ZFHX3: variants seen among roughly 807,000 people sequenced by gnomAD.
ZFHX3 encodes the protein zinc finger homeobox protein 3.
A neutral mutation model predicts 279.1 loss-of-function variants in ZFHX3; 42 were observed. The ratio of observed to expected loss-of-function variants is 0.15; its 90% CI spans 0.12 to 0.19. ZFHX3 has a LOEUF of 0.19. Among genes scored for constraint, ZFHX3 ranks in the 10% least tolerant of loss-of-function variants. The pLI is 1.00. For missense variants in ZFHX3, 4,981 were observed against 4,754.0 expected, an observed-to-expected ratio of 1.05 and a Z score of -1.40; for synonymous variants, 2,293 against 1,957.8, an observed-to-expected ratio of 1.17 and a Z score of -4.52.
chr16:73,805,710 A>C (rs957173764), intron 1 of ZFHX3, among the ~76,000 whole-genome samples: 3 of 152,226 alleles, frequency 2.0e-5, no homozygotes, highest in African/African-American at 7.2e-5. Flanking sequence ...AACAGTTAAA[A>C]TCCCTGCCCT....
chr16:73,333,601 G>A (rs1424337824), intron 3 of ZFHX3, among the ~76,000 whole-genome samples: 1 of 152,020 alleles, frequency 6.6e-6, no homozygotes, highest in Non-Finnish European at 1.5e-5. Context: ...AGTTGACAAG[G>A]GACAATAACG....
chr16:72,921,576 A>C (rs987819176), intron 3 of ZFHX3, among the ~76,000 whole-genome samples: 1 of 152,242 alleles, frequency 6.6e-6, no homozygotes, highest in Non-Finnish European at 1.5e-5. Context: ...TTCTCTGATG[A>C]AAGCACCTTA....
chr16:73,072,232 G>A (rs374759892), intron 8 of ZFHX3, among the ~76,000 whole-genome samples: 28 of 152,200 alleles, frequency 1.8e-4, no homozygotes, highest in Admixed American at 1.1e-3. Flanking sequence ...ATCACTGGAG[G>A]TCAGGAGTTC....
intron 3 of ZFHX3, among the ~76,000 whole-genome samples, chr16:72,930,433 C>A (rs574313948): frequency 6.6e-6 from 1 of 151,656 alleles, no homozygotes; most frequent in Non-Finnish European, 1.5e-5. Flanking sequence ...AAAAAGAGGA[C>A]GGGCGATAAG....
At chr16:73,458,456 A>T (rs2018413825) in intron 2 of ZFHX3, among the ~76,000 whole-genome samples, 1 of 151,188 alleles carries the variant, frequency 6.6e-6, no homozygotes, top group African/African-American at 2.4e-5. Context: ...GCTCACTGCA[A>T]CCTCCGCCTC....
At chr16:73,843,052 G>T (rs1961353040) in intron 1 of ZFHX3, among the ~76,000 whole-genome samples, 1 of 152,066 alleles carries the variant, frequency 6.6e-6, no homozygotes, top group South Asian at 2.1e-4. Flanking sequence ...TCCTCATTTT[G>T]TTATTTGGAT....
intron 5 of ZFHX3, among the ~76,000 whole-genome samples, chr16:73,207,265 C>T (rs532990026): frequency 1.3e-5 from 2 of 152,152 alleles, no homozygotes; most frequent in South Asian, 2.1e-4. Flanking sequence ...GCTTCTTGAC[C>T]AATTAAATAA....
At chr16:73,389,107 C>T (rs1193527336) in intron 3 of ZFHX3, 2 of 152,232 alleles carry the variant, frequency 1.3e-5, no homozygotes, top group South Asian at 4.1e-4. Flanking sequence ...CTCACACATA[C>T]GTGCGGTGTT....
chr16:73,015,413 T>G (rs1343151953), intron 1 of ZFHX3: 2 of 152,124 alleles, frequency 1.3e-5, no homozygotes, highest in African/African-American at 4.8e-5. Flanking sequence ...AAACCTCCCA[T>G]CCTGGCCTAC....
At chr16:73,425,514 C>T (rs1380909616) in intron 3 of ZFHX3, among the ~76,000 whole-genome samples, 1 of 152,144 alleles carries the variant, frequency 6.6e-6, no homozygotes, top group African/African-American at 2.4e-5. Context: ...TGTCCAAGGC[C>T]TTATGGCTGG....
intron 2 of ZFHX3, among the ~76,000 whole-genome samples, chr16:73,534,709 C>A (rs2019863420): frequency 6.6e-6 from 1 of 152,210 alleles, no homozygotes; most frequent in African/African-American, 2.4e-5. Context: ...TAAATGTTAG[C>A]TGCCACACCA....
In ZFHX3 at chr16:72,788,647, GGCTGCTGCACCTGTGGTTGCTGCT is replaced by G; in HGVS notation, c.9605_9628del (p.Gln3202_Gln3209del). The G allele has an allele frequency of 1.9e-6, 3 of 1,613,322 alleles. No individual in the cohort carries two copies. Among genetic ancestry groups the G allele is most frequent in the Non-Finnish European group, 2.5e-6 (3 of 1,179,782 alleles). On this transcript the variant is annotated inframe_deletion, in exon 10 of 10. Coordinates refer to ENST00000268489, the MANE Select transcript of ZFHX3 (RefSeq NM_006885.4). The stretch of plus-strand genomic sequence containing the variant: ...CGGCTGGGCTGCTGGCGGCGGGGGA[GGCTGCTGCACCTGTGGTTGCTGCT>G]GCTGCTGCTGCTGCTGGGGGGGTTG...
chr16:73,554,189 G>T (rs192967530), intron 2 of ZFHX3: 25 of 152,302 alleles, frequency 1.6e-4, no homozygotes, highest in African/African-American at 5.8e-4. Flanking sequence ...GCATGTCCCA[G>T]CCTGTTGAGA....
In ZFHX3 at chr16:73,600,655, C is replaced by T. The variant is rs1006595948; in HGVS notation, c.-1547+79525G>A. ...CAGAATGGTCTCGATCTCTTGACCT[C>T]GTGATCCGCCCGCCTCGGCCTCCCA... On this transcript the variant is annotated intron_variant, in intron 2 of 17. Coordinates refer to the ZFHX3 transcript ENST00000641206. Among the ~76,000 whole-genome samples, 55 of 152,156 alleles carry T rather than the reference C, an allele frequency of 3.6e-4. 1 individual carries two copies. The highest frequency in any genetic ancestry group is 1.3e-3 in the African/African-American group (52 of 41,514).
chr16:73,763,000 T>A (rs957300981), intron 1 of ZFHX3, among the ~76,000 whole-genome samples: 19 of 152,270 alleles, frequency 1.2e-4, no homozygotes, highest in Non-Finnish European at 1.6e-4. Flanking sequence ...TAAAATTTTT[T>A]TTAAAAAGGA....
chr16:73,479,862 C>T (rs1168312290), intron 2 of ZFHX3, among the ~76,000 whole-genome samples: 1 of 152,164 alleles, frequency 6.6e-6, no homozygotes, highest in East Asian at 1.9e-4. Context: ...CCTATTAAAC[C>T]TCCTTGGGGA....
intron 7 of ZFHX3, among the ~76,000 whole-genome samples, chr16:73,105,619 G>A (rs1966294635): frequency 6.6e-6 from 1 of 151,832 alleles, no homozygotes; most frequent in African/African-American, 2.4e-5. Context: ...TGGGCATGGT[G>A]GCGGGCACCT....
chr16:73,531,146 T>C (rs2019794987), intron 2 of ZFHX3, among the ~76,000 whole-genome samples: 1 of 152,200 alleles, frequency 6.6e-6, no homozygotes, highest in Non-Finnish European at 1.5e-5. Context: ...ATATAAATCT[T>C]TGTTGCCAGT....
At chr16:73,286,263 A>T (rs929051879) in intron 4 of ZFHX3, among the ~76,000 whole-genome samples, 1 of 152,228 alleles carries the variant, frequency 6.6e-6, no homozygotes, top group Non-Finnish European at 1.5e-5. Flanking sequence ...ACGGCCCCAG[A>T]GGAAAGCTCT....
Sources: gnomAD v4.1 joint callset for allele counts (sites outside exome capture counted in the v4.1 genomes callset) on GRCh38, gnomAD v4.1.1 for gene constraint, MANE v1.5 for transcripts, NCBI Gene and HGNC (gene_info 2026-07-23, HGNC 2026-07-21) for gene names.